Variants in CD8A observed in about 807,000 individuals in gnomAD.
The protein encoded by CD8A is CD8 subunit alpha.
In CD8A, 25 loss-of-function variants were observed where a neutral mutation model predicts 24.2. The ratio of observed to expected loss-of-function variants is 1.03; its 90% CI spans 0.75 to 1.44. The LOEUF (loss-of-function observed/expected upper bound fraction) is 1.44, where lower values mean the gene tolerates loss of function less well. CD8A is among the 40% of genes most tolerant of loss of function. The pLI is 0.00. For synonymous variants in CD8A, 165 were observed against 149.9 expected (o/e 1.10, Z -0.74); for missense variants, 360 against 319.7 (o/e 1.13, Z -0.96).
chr2:86,802,789 T>G (rs916048627), intron 2 of CD8A, among the ~76,000 whole-genome samples: 2 of 152,086 alleles, frequency 1.3e-5, no homozygotes, highest in Non-Finnish European at 2.9e-5. Flanking sequence ...TTTTGTATTT[T>G]TAGTAGAGAT....
chr2:86,789,833 C>T, intron 2 of CD8A, 83 bp from the exon 3 acceptor site: 1 of 783,196 alleles, frequency 1.3e-6, no homozygotes, highest in Non-Finnish European at 1.8e-6. Flanking sequence ...CCTTTCCCCA[C>T]GGGGACGCCT....
intron 5 of CD8A, among the ~76,000 whole-genome samples, chr2:86,786,282 A>G (rs1489956634): frequency 6.6e-6 from 1 of 152,208 alleles, no homozygotes; most frequent in Non-Finnish European, 1.5e-5. Context: ...AGCTTCCTGG[A>G]GCCCCTGTCA....
At chr2:86,792,120 C>G (rs1359625686), upstream of CD8A, among the ~76,000 whole-genome samples, 2 of 152,172 alleles carry the variant, frequency 1.3e-5, no homozygotes, top group African/African-American at 4.8e-5. Flanking sequence ...GTGATCCTCC[C>G]ACCCCAGCCC....
At chr2:86,799,957 A>G (rs1673612752) in intron 3 of CD8A, among the ~76,000 whole-genome samples, 1 of 150,762 alleles carries the variant, frequency 6.6e-6, no homozygotes, top group Non-Finnish European at 1.5e-5. Context: ...TTTTTTTAAC[A>G]GAAATTAAGT....
chr2:86,801,888 T>C (rs1468980391), intron 2 of CD8A, among the ~76,000 whole-genome samples: 1 of 152,076 alleles, frequency 6.6e-6, no homozygotes, highest in East Asian at 1.9e-4. Flanking sequence ...TTGTGGGGGG[T>C]CCATTTCATT....
exon 2 of CD8A, chr2:86,807,556 T>G (rs1029162670): frequency 1.3e-5 from 2 of 152,602 alleles, no homozygotes; most frequent in South Asian, 2.1e-4. Flanking sequence ...CATCGCCGGC[T>G]GCTGACCCGG....
chr2:86,806,371 G>C (rs1451523180), intron 2 of CD8A, among the ~76,000 whole-genome samples: 4 of 152,208 alleles, frequency 2.6e-5, no homozygotes, highest in Admixed American at 6.5e-5. Context: ...TGTGGACCTG[G>C]AAAAAGGAAG....
At chr2:86,790,715 G>C (rs755449765) in intron 1 of CD8A, 34 bp from the exon 2 acceptor site, 32 of 1,555,778 alleles carry the variant, frequency 2.1e-5, no homozygotes, top group Non-Finnish European at 2.5e-5. Flanking sequence ...TGAGCCCGCA[G>C]TCCCGCGCCC....
At chr2:86,797,389 C>T (rs939391497) in intron 3 of CD8A, among the ~76,000 whole-genome samples, 1 of 152,096 alleles carries the variant, frequency 6.6e-6, no homozygotes, top group Non-Finnish European at 1.5e-5. Context: ...CAGAATGGGG[C>T]TTGAGAAGGT....
At chr2:86,806,097 C>T (rs2104467956) in intron 2 of CD8A, among the ~76,000 whole-genome samples, 1 of 152,262 alleles carries the variant, frequency 6.6e-6, no homozygotes, top group South Asian at 2.1e-4. Context: ...TGAGTGCTGG[C>T]CTGGGATCCA....
chr2:86,789,381 C>T lies in CD8A; in HGVS notation c.567G>A (p.Leu189=). ...FACDIYIWAP[L]AGTCGVLLLS... ...GGAGAAGGACCCCACAAGTCCCGGCCAAGGGCGCCCAGATGTAGATATCAC... is the reference window on the plus strand; with the variant it reads ...GGAGAAGGACCCCACAAGTCCCGGCTAAGGGCGCCCAGATGTAGATATCAC... Residue 189 remains leucine, a synonymous_variant, in exon 4 of 6, where the codon TTG becomes TTA. Coordinates refer to ENST00000283635, the MANE Select transcript of CD8A (RefSeq NM_001768.7). 1 of 1,614,046 alleles carries T rather than the reference C, an allele frequency of 6.2e-7. No individual in the cohort carries two copies. Among genetic ancestry groups the T allele is most frequent in the Non-Finnish European group, 8.5e-7 (1 of 1,179,918 alleles).
At chr2:86,791,710 G>A (rs1236901779), upstream of CD8A, 8 of 451,392 alleles carry the variant, frequency 1.8e-5, no homozygotes, top group Non-Finnish European at 3.1e-5. Context: ...CAGCCCTTGG[G>A]TGCTGGCTCC....
intron 3 of CD8A, among the ~76,000 whole-genome samples, chr2:86,797,224 G>C (rs1459248804): frequency 2.0e-5 from 3 of 152,186 alleles, no homozygotes; most frequent in African/African-American, 7.2e-5. Context: ...ATGTAGCCTT[G>C]GGAAGGAGGT....
chr2:86,791,973 T>TA (rs1364449920), upstream of CD8A, among the ~76,000 whole-genome samples: 7 of 152,198 alleles, frequency 4.6e-5, no homozygotes, highest in Non-Finnish European at 1.0e-4. Context: ...AATGCTTGGG[T>TA]AGAGGCGGTT....
Position 86,789,283 on chromosome 2 carries a change from CG to C in CD8A, c.625+39del, listed in dbSNP as rs767821438. On this transcript the variant is annotated intron_variant, in intron 4 of 5. Transcript: ENST00000283635. ...GAGCTAGCAGAGCCAAGGGCAGGAG[CG>C]GGGCCGACTCCTTCCCGCCGCGATT... 3.4e-5 allele frequency: 45 copies of C among 1,305,928 alleles called. No homozygotes were observed. In the East Asian group the frequency reaches 4.4e-4, roughly 13 times the overall value. 80.9% of individuals were successfully genotyped at this position (1,305,928 alleles called of 1,614,324 possible). A position where few individuals can be genotyped will look rare whatever the true frequency, so the allele number is the denominator to read the frequency against.
At chr2:86,804,218 TATATAC>T (rs1456676053) in intron 2 of CD8A, among the ~76,000 whole-genome samples, 1 of 152,196 alleles carries the variant, frequency 6.6e-6, no homozygotes, top group Non-Finnish European at 1.5e-5. Context: ...CAAAATGTGG[TATATAC>T]ATAGAGTGGA....
At chr2:86,802,420 C>T (rs1329477708) in intron 2 of CD8A, among the ~76,000 whole-genome samples, 2 of 152,062 alleles carry the variant, frequency 1.3e-5, no homozygotes, top group Non-Finnish European at 2.9e-5. Context: ...TATTAATAGT[C>T]GCAATGATGA....
chr2:86,798,270 G>A (rs1281633874), intron 3 of CD8A, among the ~76,000 whole-genome samples: 1 of 151,740 alleles, frequency 6.6e-6, no homozygotes, highest in African/African-American at 2.4e-5. Flanking sequence ...CCACCTCCCA[G>A]GTTCAAGCTA....
intron 3 of CD8A, among the ~76,000 whole-genome samples, chr2:86,796,927 C>T (rs554235704): frequency 3.2e-4 from 48 of 152,312 alleles, no homozygotes; most frequent in African/African-American, 1.1e-3. Flanking sequence ...TACATGTCTT[C>T]CCTGCTATAT....
Sources: gnomAD v4.1 joint callset for allele counts (sites outside exome capture counted in the v4.1 genomes callset) on GRCh38, gnomAD v4.1.1 for gene constraint, MANE v1.5 for transcripts, NCBI Gene and HGNC (gene_info 2026-07-23, HGNC 2026-07-21) for gene names.